The following RFX2 variants were observed in gnomAD, a reference collection of about 807,000 sequenced individuals.
RFX2 encodes the protein DNA-binding protein RFX2.
Under a neutral mutation model 87.8 loss-of-function variants are expected in RFX2, and 20 were observed. The observed-to-expected ratio is 0.23, with a 90% confidence interval of 0.16 to 0.33. The LOEUF (loss-of-function observed/expected upper bound fraction) is 0.33, where lower values mean the gene tolerates loss of function less well. Among genes scored for constraint, RFX2 ranks in the 10% least tolerant of loss-of-function variants. The pLI is 1.00. For missense variants in RFX2, 767 were observed against 1,012.3 expected, an observed-to-expected ratio of 0.76 and a Z score of 3.29; for synonymous variants, 397 against 431.3, an observed-to-expected ratio of 0.92 and a Z score of 0.98.
chr19:6,010,688 T>G lies in RFX2; in HGVS notation c.900-437A>C, dbSNP rs1239381032. ...GTTATGTCCTCAAGGTCCACCGAGTTGTAGCCTGTGTTGGAATTTCCTCCT... is the reference window on the plus strand; with the variant it reads ...GTTATGTCCTCAAGGTCCACCGAGTGGTAGCCTGTGTTGGAATTTCCTCCT... On this transcript the variant is annotated intron_variant, in intron 8 of 17. Coordinates refer to ENST00000303657, the MANE Select transcript of RFX2 (RefSeq NM_000635.4). This position sits in a 1 kb window ranked among gnomAD's most constrained non-coding sequence, Gnocchi z 5.0. 1.3e-5 allele frequency among the ~76,000 whole-genome samples: 2 copies of G among 152,216 alleles called. No homozygotes were observed. Among genetic ancestry groups the G allele is most frequent in the African/African-American group, 4.8e-5 (2 of 41,442 alleles).
chr19:6,015,820 A>G (rs1017435601), intron 7 of RFX2, among the ~76,000 whole-genome samples: 4 of 152,182 alleles, frequency 2.6e-5, no homozygotes, highest in Admixed American at 1.3e-4. Flanking sequence ...CTCTAAAACA[A>G]AAAAAGAAAA....
In RFX2 at chr19:6,007,887, C is replaced by A; in HGVS notation, c.1135-85G>T. ...ACACGTCAAGTGAGCAGCCGTGATCCGGGCTACAGCGGGGTGCCCTGGAAT... is the reference window on the plus strand; with the variant it reads ...ACACGTCAAGTGAGCAGCCGTGATCAGGGCTACAGCGGGGTGCCCTGGAAT... On this transcript the variant is annotated intron_variant, in intron 10 of 17. Transcript: ENST00000303657. This position sits in a 1 kb window ranked among gnomAD's most constrained non-coding sequence, Gnocchi z 8.2. The A allele has an allele frequency of 2.0e-6, 2 of 1,001,212 alleles. No individual in the cohort carries two copies. Among genetic ancestry groups the A allele is most frequent in the South Asian group, 1.4e-5 (1 of 70,634 alleles). The allele number at this position is 1,001,212 out of a possible 1,614,324, so 62.0% of individuals were successfully genotyped here. A position where few individuals can be genotyped will look rare whatever the true frequency, so the allele number is the denominator to read the frequency against.
chr19:6,108,330 A>G (rs2088252791), intron 1 of RFX2, among the ~76,000 whole-genome samples: 2 of 152,210 alleles, frequency 1.3e-5, no homozygotes, highest in South Asian at 4.1e-4. Flanking sequence ...AAGTCTTTAA[A>G]CTAGAGCAGG....
intron 1 of RFX2, among the ~76,000 whole-genome samples, chr19:6,081,117 A>T (rs1453543097): frequency 6.6e-6 from 1 of 152,098 alleles, no homozygotes; most frequent in Non-Finnish European, 1.5e-5. Flanking sequence ...TCTGACTTAC[A>T]TCTTTTAAAA....
In RFX2 at chr19:6,110,111, C is replaced by T. The variant is rs970282350; in HGVS notation, c.-9+282G>A. Among the ~76,000 whole-genome samples, 4 of 152,110 alleles carry T rather than the reference C, an allele frequency of 2.6e-5. No homozygotes were observed. The highest frequency in any genetic ancestry group is 2.6e-4 in the Admixed American group (4 of 15,284). On this transcript the variant is annotated intron_variant, in intron 1 of 17. Transcript: ENST00000303657. This position sits in a 1 kb window ranked among gnomAD's most constrained non-coding sequence, Gnocchi z 4.3. ...TTGAAGGTAAGCGTGAGAAAGGGGT[C>T]CCCGGACGCCCCAACCTCAGGAAGT...
chr19:6,036,655 A>G (rs1269047126), intron 5 of RFX2, among the ~76,000 whole-genome samples: 2 of 152,198 alleles, frequency 1.3e-5, no homozygotes, highest in Non-Finnish European at 2.9e-5. Flanking sequence ...ATGCTTACAT[A>G]TGTAAAAAAA....
chr19:6,107,158 T>C (rs555218169), intron 1 of RFX2, among the ~76,000 whole-genome samples: 9 of 151,696 alleles, frequency 5.9e-5, no homozygotes, highest in African/African-American at 1.7e-4. Flanking sequence ...TAGCCGGGCG[T>C]GGTGGCAGGC....
At chr19:6,107,218 C>T (rs1241627234) in intron 1 of RFX2, among the ~76,000 whole-genome samples, 23 of 151,884 alleles carry the variant, frequency 1.5e-4, no homozygotes, top group Admixed American at 1.5e-3. Context: ...ATGGTGTAAA[C>T]CTCGGGGGTG....
rs1179492320 is a variant in RFX2 at position 6,045,650 on chromosome 19, G to A, written c.91-1368C>T. ...TCACTGTCTGCCTTTTTGTTTTTGC[G>A]GAATTGTGTTTTTTTGTTTTTGTTT... On this transcript the variant is annotated intron_variant, in intron 2 of 17. Coordinates refer to ENST00000303657, the MANE Select transcript of RFX2 (RefSeq NM_000635.4). The surrounding 1 kb of genome is among the most constrained non-coding windows in gnomAD (Gnocchi z 5.2). Among the ~76,000 whole-genome samples the A allele has an allele frequency of 1.3e-5, 2 of 151,828 alleles. No individual in the cohort carries two copies. Among genetic ancestry groups the A allele is most frequent in the African/African-American group, 2.4e-5 (1 of 41,196 alleles).
intron 1 of RFX2, among the ~76,000 whole-genome samples, chr19:6,065,238 T>C (rs930490012): frequency 8.5e-5 from 13 of 152,182 alleles, no homozygotes; most frequent in African/African-American, 3.1e-4. Flanking sequence ...ATTTTAATCT[T>C]TGGGGGAGTC....
At chr19:6,057,660 C>T (rs1372876887) in intron 1 of RFX2, among the ~76,000 whole-genome samples, 1 of 152,234 alleles carries the variant, frequency 6.6e-6, no homozygotes, top group Non-Finnish European at 1.5e-5. Context: ...CTCCTCCTCT[C>T]CTGGTACTCG....
At chr19:6,052,619 C>T (rs1411057315) in intron 1 of RFX2, among the ~76,000 whole-genome samples, 3 of 152,164 alleles carry the variant, frequency 2.0e-5, no homozygotes, top group South Asian at 4.1e-4. Flanking sequence ...GGAATATTCA[C>T]TGTGATGGGT....
At chr19:6,106,230 CCCATCCAT>C (rs56665747) in intron 1 of RFX2, among the ~76,000 whole-genome samples, 194 of 150,076 alleles carry the variant, frequency 1.3e-3, no homozygotes, top group African/African-American at 4.6e-3. Context: ...CATCGGCCTG[CCCATCCAT>C]CCATCCATCC....
chr19:6,079,746 C>T (rs58617377), intron 1 of RFX2, among the ~76,000 whole-genome samples: 17,505 of 151,880 alleles, frequency 0.12, 1,186 homozygotes, highest in African/African-American at 0.19. Flanking sequence ...ATTAGCTGGG[C>T]ATGGTGGCTC....
At chr19:6,093,442 C>T (rs754599512) in intron 1 of RFX2, among the ~76,000 whole-genome samples, 4 of 151,852 alleles carry the variant, frequency 2.6e-5, no homozygotes, top group Non-Finnish European at 5.9e-5. Flanking sequence ...GGCTGAGGCA[C>T]GAGAATTGCT....
At position 6,026,087 on chromosome 19, in the gene RFX2, C is replaced by T; in HGVS notation, c.597+76G>A. On this transcript the variant is annotated intron_variant, in intron 6 of 17. Coordinates refer to ENST00000303657, the MANE Select transcript of RFX2 (RefSeq NM_000635.4). This position sits in a 1 kb window ranked among gnomAD's most constrained non-coding sequence, Gnocchi z 4.5. Reference sequence around the variant, plus strand: ...GGTGTGAGCCACCGCACCTGGTTGCCTTCATTTGTCTTAAAAATGTCTATG... The same window carrying T: ...GGTGTGAGCCACCGCACCTGGTTGCTTTCATTTGTCTTAAAAATGTCTATG... 6 of 1,330,114 alleles carry T rather than the reference C, an allele frequency of 4.5e-6. 1 individual carries two copies. In the South Asian group the frequency reaches 7.3e-5, roughly 16 times the overall value. 82.4% of individuals were successfully genotyped at this position (1,330,114 alleles called of 1,614,324 possible).
chr19:5,998,530 A>C lies in RFX2; in HGVS notation c.1860-1317T>G, dbSNP rs2086448559. Among the ~76,000 whole-genome samples the C allele has an allele frequency of 6.6e-6, 1 of 152,230 alleles. No individual in the cohort carries two copies. The highest frequency in any genetic ancestry group is 6.5e-5 in the Admixed American group (1 of 15,278). On this transcript the variant is annotated intron_variant, in intron 15 of 17. Coordinates refer to ENST00000303657, the MANE Select transcript of RFX2 (RefSeq NM_000635.4). The surrounding 1 kb of genome is among the most constrained non-coding windows in gnomAD (Gnocchi z 4.2). ...TGAGAAAGGCAAAGACAGCCGCACT[A>C]TGAAGACCACCAAAGCTGTCTATCC...
At chr19:6,042,774 C>T (rs2087129482) in intron 3 of RFX2, among the ~76,000 whole-genome samples, 1 of 152,216 alleles carries the variant, frequency 6.6e-6, no homozygotes, top group Non-Finnish European at 1.5e-5. Flanking sequence ...CTCTCTGAAA[C>T]ATCAGTTCAG....
intron 1 of RFX2, among the ~76,000 whole-genome samples, chr19:6,102,754 C>T (rs139958236): frequency 3.8e-4 from 58 of 152,324 alleles, no homozygotes; most frequent in Admixed American, 2.8e-3. Context: ...CTGCTGGACG[C>T]CAGGAGCCCA....
Sources: gnomAD v4.1 joint callset for allele counts (sites outside exome capture counted in the v4.1 genomes callset) on GRCh38, gnomAD v4.1.1 for gene constraint, Gnocchi (gnomAD v3.1) non-coding constraint, MANE v1.5 for transcripts, NCBI Gene and HGNC (gene_info 2026-07-23, HGNC 2026-07-21) for gene names.